Variants in ANKS1B observed in about 807,000 individuals in gnomAD.
ANKS1B encodes ankyrin repeat and sterile alpha motif domain containing 1B, also known as ankyrin repeat and sterile alpha motif domain-containing protein 1B.
ANKS1B carries 36 observed loss-of-function variants against 148.3 expected under a neutral mutation model. The observed-to-expected ratio is 0.24, with a 90% CI of 0.19 to 0.32. The LOEUF is 0.32. ANKS1B is among the 10% of genes least tolerant of loss of function. The pLI is 1.00. For missense variants in ANKS1B, 1,157 were observed against 1,542.6 expected, an observed-to-expected ratio of 0.75 and a Z score of 4.19; for synonymous variants, 542 against 560.8, an observed-to-expected ratio of 0.97 and a Z score of 0.47.
intron 12 of ANKS1B, among the ~76,000 whole-genome samples, chr12:99,297,859 T>C (rs2081098626): frequency 6.6e-6 from 1 of 152,156 alleles, no homozygotes; most frequent in South Asian, 2.1e-4. Context: ...TCATGATCAA[T>C]CTAAATCTCC....
At chr12:99,156,002 C>T (rs1410139124) in intron 14 of ANKS1B, among the ~76,000 whole-genome samples, 2 of 152,204 alleles carry the variant, frequency 1.3e-5, no homozygotes, top group African/African-American at 4.8e-5. Flanking sequence ...TCTCATCCCC[C>T]CAGAGCAGCC....
rs1222936167 is a variant in ANKS1B, at chr12:99,606,007, T to C, written c.1272+49060A>G. 5.9e-5 allele frequency among the ~76,000 whole-genome samples: 9 copies of C among 152,210 alleles called. No individual in the cohort carries two copies. The East Asian group carries it at 1.7e-3, about 29-fold the overall frequency. ...TCCTCACCAGCATTTGTTATTTTTGTCTTTTTGATAATAACCATTCTAATT... is the reference window on the plus strand; with the variant it reads ...TCCTCACCAGCATTTGTTATTTTTGCCTTTTTGATAATAACCATTCTAATT... On this transcript the variant is annotated intron_variant, in intron 9 of 26. Transcript: ENST00000683438.
intron 17 of ANKS1B, chr12:98,895,445 C>G: frequency 2.7e-6 from 1 of 374,556 alleles, no homozygotes; most frequent in Non-Finnish European, 3.7e-6. Flanking sequence ...CGGTCGCCGC[C>G]GCTGGAGAGA....
chr12:99,108,297 TTC>T (rs977904078), intron 15 of ANKS1B, among the ~76,000 whole-genome samples: 1 of 152,218 alleles, frequency 6.6e-6, no homozygotes, highest in Non-Finnish European at 1.5e-5. Context: ...AGTGGTTCAG[TTC>T]TCTCTCTGTC....
intron 17 of ANKS1B, among the ~76,000 whole-genome samples, chr12:98,920,440 G>A (rs1294531794): frequency 1.3e-5 from 2 of 152,290 alleles, no homozygotes; most frequent in Non-Finnish European, 2.9e-5. Flanking sequence ...ACAGTTCCAC[G>A]TGGCTGGGAG....
At chr12:99,834,058 G>A (rs1164358713) in intron 1 of ANKS1B, among the ~76,000 whole-genome samples, 2 of 151,686 alleles carry the variant, frequency 1.3e-5, no homozygotes, top group Non-Finnish European at 2.9e-5. Context: ...CCATAAATAA[G>A]CCAGACCCAA....
intron 12 of ANKS1B, among the ~76,000 whole-genome samples, chr12:99,364,142 A>G (rs954297451): frequency 6.6e-6 from 1 of 152,062 alleles, no homozygotes; most frequent in Non-Finnish European, 1.5e-5. Flanking sequence ...CTGGGCAAAT[A>G]TTTTATTTTT....
At chr12:99,524,005 T>C (rs2096902458) in intron 9 of ANKS1B, among the ~76,000 whole-genome samples, 1 of 152,228 alleles carries the variant, frequency 6.6e-6, no homozygotes, top group Non-Finnish European at 1.5e-5. Flanking sequence ...TTTTTTCTGA[T>C]AATGGGGGAA....
intron 14 of ANKS1B, among the ~76,000 whole-genome samples, chr12:99,185,979 T>C (rs1470930944): frequency 1.3e-5 from 2 of 152,148 alleles, no homozygotes; most frequent in African/African-American, 4.8e-5. Context: ...CCCAGCAAGC[T>C]AAGATCCACT....
At chr12:99,845,943 T>A (rs2086602462) in intron 1 of ANKS1B, among the ~76,000 whole-genome samples, 1 of 152,120 alleles carries the variant, frequency 6.6e-6, no homozygotes, top group Non-Finnish European at 1.5e-5. Flanking sequence ...GAATGGCACA[T>A]CATCTTTATG....
chr12:99,430,795 G>C (rs1028146206), intron 11 of ANKS1B, among the ~76,000 whole-genome samples: 2 of 152,206 alleles, frequency 1.3e-5, no homozygotes, highest in African/African-American at 4.8e-5. Flanking sequence ...ACTGGGTTAG[G>C]ATGTGTGTCT....
chr12:99,403,082 C>G lies in ANKS1B; in HGVS notation c.1576-3271G>C, dbSNP rs1350832657. Among the ~76,000 whole-genome samples the G allele has an allele frequency of 8.6e-5, 12 of 139,884 alleles. 2 individuals carry two copies. The highest frequency in any genetic ancestry group is 3.3e-4 in the African/African-American group (12 of 36,714). The allele number at this position is 139,884 out of a possible 152,430, so 91.8% of individuals were successfully genotyped here. A position where few individuals can be genotyped will look rare whatever the true frequency, so the allele number is the denominator to read the frequency against. On this transcript the variant is annotated intron_variant, in intron 11 of 26. Transcript: ENST00000683438. ...TACTCTAATGATCAATGATGTAGCA[C>G]TTTTTTTCATATAATTGTTAGCTGC... is the stretch of plus-strand genomic sequence containing the variant.
intron 11 of ANKS1B, among the ~76,000 whole-genome samples, chr12:99,418,864 T>C (rs1021515873): frequency 1.3e-5 from 2 of 152,176 alleles, no homozygotes; most frequent in African/African-American, 2.4e-5. Flanking sequence ...CAAAACAACA[T>C]GAATGGGTGT....
intron 17 of ANKS1B, among the ~76,000 whole-genome samples, chr12:98,844,564 AC>A (rs1466883071): frequency 6.6e-6 from 1 of 152,226 alleles, no homozygotes; most frequent in Non-Finnish European, 1.5e-5. Flanking sequence ...AGGTTGACAG[AC>A]CAGGAGAATG....
At chr12:98,779,171 G>T (rs2098709896) in intron 24 of ANKS1B, among the ~76,000 whole-genome samples, 1 of 152,166 alleles carries the variant, frequency 6.6e-6, no homozygotes, top group Admixed American at 6.5e-5. Context: ...ATATCTTTCT[G>T]TGCTTTTGCT....
At chr12:99,638,637 C>T (rs1405073314) in intron 9 of ANKS1B, among the ~76,000 whole-genome samples, 3 of 152,134 alleles carry the variant, frequency 2.0e-5, no homozygotes, top group Non-Finnish European at 4.4e-5. Context: ...GAGAAAAACC[C>T]ATTTTCTGGG....
chr12:99,174,140 G>A (rs975513960), intron 14 of ANKS1B, among the ~76,000 whole-genome samples: 33 of 152,272 alleles, frequency 2.2e-4, no homozygotes, highest in Middle Eastern at 3.4e-3. Context: ...GTTGAGGCCC[G>A]TGCCAAGGAA....
chr12:98,818,470 G>C (rs2153654720), intron 19 of ANKS1B, among the ~76,000 whole-genome samples: 1 of 152,254 alleles, frequency 6.6e-6, no homozygotes, highest in African/African-American at 2.4e-5. Flanking sequence ...GTACAATCCA[G>C]CTCTCATTGT....
intron 1 of ANKS1B, among the ~76,000 whole-genome samples, chr12:99,862,925 A>G (rs2090225316): frequency 6.6e-6 from 1 of 152,188 alleles, no homozygotes; most frequent in South Asian, 2.1e-4. Context: ...ATTAATTCTT[A>G]ACAAATGTCC....
Sources: allele counts gnomAD v4.1 joint callset (sites outside exome capture counted in the v4.1 genomes callset), GRCh38; gene constraint gnomAD v4.1.1; transcripts MANE v1.5; gene names NCBI Gene and HGNC (gene_info 2026-07-23, HGNC 2026-07-21).